The following RNLS variants were observed in gnomAD, a reference collection of about 807,000 sequenced individuals.
RNLS encodes the protein renalase.
Under a neutral mutation model 39.8 loss-of-function variants are expected in RNLS, and 39 were observed. The ratio of observed to expected loss-of-function variants is 0.98; its 90% CI spans 0.76 to 1.28. The LOEUF (loss-of-function observed/expected upper bound fraction) is 1.28, where lower values mean the gene tolerates loss of function less well. Among genes scored for constraint, RNLS ranks in the 50% most tolerant of loss-of-function variants. The pLI is 0.00. For synonymous variants in RNLS, 147 were observed against 150.7 expected, an observed-to-expected ratio of 0.98 and a Z score of 0.18; for missense variants, 410 against 413.3, an observed-to-expected ratio of 0.99 and a Z score of 0.07.
the RNLS span, among the ~76,000 whole-genome samples, chr10:88,234,110 G>A: frequency 2.7e-5 from 4 of 149,884 alleles, no homozygotes; most frequent in Non-Finnish European, 4.4e-5. Context: ...AGGATTAGCC[G>A]TGAATTCCAA....
chr10:88,337,110 T>A (rs1311441498), intron 5 of RNLS, among the ~76,000 whole-genome samples: 2 of 152,224 alleles, frequency 1.3e-5, no homozygotes, highest in Non-Finnish European at 2.9e-5. Flanking sequence ...TTAATCTTTA[T>A]TTTCCTACTG....
At chr10:88,531,839 T>C (rs184456235) in intron 4 of RNLS, among the ~76,000 whole-genome samples, 2 of 152,206 alleles carry the variant, frequency 1.3e-5, no homozygotes, top group Non-Finnish European at 2.9e-5. Context: ...TGAGATTGAA[T>C]ACCTTTAACT....
intron 4 of RNLS, among the ~76,000 whole-genome samples, chr10:88,379,453 G>A (rs773874154): frequency 2.0e-4 from 30 of 151,078 alleles, no homozygotes; most frequent in Non-Finnish European, 3.8e-4. Context: ...TTTCTTTTCT[G>A]TCACTCCTCT....
At chr10:88,418,699 A>C (rs17334741) in intron 4 of RNLS, among the ~76,000 whole-genome samples, 26,266 of 152,132 alleles carry the variant, frequency 0.17, 3,022 homozygotes, top group Non-Finnish European at 0.26. Flanking sequence ...CAAGTGGTTC[A>C]AGCAGTCAGG....
intron 5 of RNLS, among the ~76,000 whole-genome samples, chr10:88,321,115 G>T (rs1288158275): frequency 6.6e-6 from 1 of 151,826 alleles, no homozygotes; most frequent in Non-Finnish European, 1.5e-5. Context: ...AGACCACAGT[G>T]GAATAAAATC....
chr10:88,314,256 G>T (rs753028502), intron 6 of RNLS, among the ~76,000 whole-genome samples: 1 of 152,110 alleles, frequency 6.6e-6, no homozygotes, highest in Non-Finnish European at 1.5e-5. Context: ...AGACAACATT[G>T]GTGGAAATTC....
chr10:88,263,376 A>G, the RNLS span, among the ~76,000 whole-genome samples: 1 of 152,108 alleles, frequency 6.6e-6, no homozygotes. Context: ...AATTTCATAT[A>G]TTTGGATTTG....
chr10:88,433,462 T>C (rs981096802), intron 4 of RNLS, among the ~76,000 whole-genome samples: 2 of 152,102 alleles, frequency 1.3e-5, no homozygotes, highest in Non-Finnish European at 2.9e-5. Flanking sequence ...CTTATCTTCC[T>C]ATCGAATTAT....
At chr10:88,400,543 C>T (rs752523679) in intron 4 of RNLS, among the ~76,000 whole-genome samples, 1 of 152,002 alleles carries the variant, frequency 6.6e-6, no homozygotes, top group South Asian at 2.1e-4. Flanking sequence ...CTGTGTGCTG[C>T]TTCCATTTTG....
At chr10:88,184,136 T>C in the RNLS span, among the ~76,000 whole-genome samples, 1 of 152,206 alleles carries the variant, frequency 6.6e-6, no homozygotes, top group South Asian at 2.1e-4. Flanking sequence ...TTGAAATAGG[T>C]GTTCTTCATC....
At chr10:88,379,456 ACTC>A (rs1851282044) in intron 4 of RNLS, among the ~76,000 whole-genome samples, 2 of 151,744 alleles carry the variant, frequency 1.3e-5, no homozygotes, top group African/African-American at 4.8e-5. Context: ...CTTTTCTGTC[ACTC>A]CTCTGGCTCT....
intron 5 of RNLS, among the ~76,000 whole-genome samples, chr10:88,340,503 T>C (rs1045446900): frequency 6.6e-6 from 1 of 152,208 alleles, no homozygotes; most frequent in Admixed American, 6.5e-5. Flanking sequence ...AGAAGGTACA[T>C]TTTTACATTC....
At chr10:88,292,882 GA>G (rs1013079160) in intron 6 of RNLS, among the ~76,000 whole-genome samples, 2,428 of 145,896 alleles carry the variant, frequency 0.017, 43 homozygotes, top group African/African-American at 0.046. Context: ...TCTCTACTTA[GA>G]AAAAAAAAAA....
At chr10:88,362,431 CCT>C in intron 5 of RNLS, 119 bp downstream of exon 5, 2 of 843,502 alleles carry the variant, frequency 2.4e-6, no homozygotes, top group South Asian at 2.9e-5. Context: ...AATTTTATCC[CCT>C]GTGGCTTGGA....
chr10:88,493,001 T>C (rs1486948515), intron 4 of RNLS, among the ~76,000 whole-genome samples: 4 of 152,158 alleles, frequency 2.6e-5, no homozygotes, highest in Non-Finnish European at 5.9e-5. Flanking sequence ...TATCTATAAC[T>C]CAAAACATTT....
At chr10:88,505,874 T>C (rs1242470209) in intron 4 of RNLS, among the ~76,000 whole-genome samples, 1 of 152,132 alleles carries the variant, frequency 6.6e-6, no homozygotes, top group Non-Finnish European at 1.5e-5. Context: ...GTTATCAGTG[T>C]GAAAAATGTG....
intron 4 of RNLS, among the ~76,000 whole-genome samples, chr10:88,534,138 A>G (rs1564879391): frequency 6.6e-6 from 1 of 152,112 alleles, no homozygotes; most frequent in African/African-American, 2.4e-5. Flanking sequence ...GCTAATTTAG[A>G]TGTCATGATG....
At chr10:88,411,386 T>C (rs558804601) in intron 4 of RNLS, among the ~76,000 whole-genome samples, 58 of 152,274 alleles carry the variant, frequency 3.8e-4, no homozygotes, top group African/African-American at 1.3e-3. Context: ...AAAAAACACA[T>C]ATGTTGTACA....
chr10:88,578,784 C>T (rs1850354720), intron 3 of RNLS, among the ~76,000 whole-genome samples: 1 of 152,062 alleles, frequency 6.6e-6, no homozygotes, highest in African/African-American at 2.4e-5. Flanking sequence ...TGTATTCCCC[C>T]AAACACATAA....
Sources: gnomAD v4.1 joint callset for allele counts (sites outside exome capture counted in the v4.1 genomes callset) on GRCh38, gnomAD v4.1.1 for gene constraint, MANE v1.5 for transcripts, NCBI Gene and HGNC (gene_info 2026-07-23, HGNC 2026-07-21) for gene names.